The following MGAT5 variants were observed in gnomAD, a reference collection of about 807,000 sequenced individuals.
MGAT5 encodes the protein alpha-1,6-mannosylglycoprotein 6-beta-N-acetylglucosaminyltransferase, also known as alpha-1,6-mannosylglycoprotein 6-beta-N-acetylglucosaminyltransferase A.
MGAT5 carries 30 observed loss-of-function variants against 94.3 expected under a neutral mutation model. The observed-to-expected ratio is 0.32, with a 90% confidence interval of 0.24 to 0.43. The LOEUF (loss-of-function observed/expected upper bound fraction) is 0.43, where lower values mean the gene tolerates loss of function less well. MGAT5 is among the 20% of genes least tolerant of loss of function. The probability of loss-of-function intolerance (pLI) is 1.00; values close to 1 mark genes in which losing one functional copy is unlikely to be tolerated. For missense variants in MGAT5, 691 were observed against 905.5 expected (o/e 0.76, Z 3.04); for synonymous variants, 310 against 322.9 (o/e 0.96, Z 0.43).
intron 1 of MGAT5, among the ~76,000 whole-genome samples, chr2:134,171,095 A>G (rs1688181296): frequency 6.6e-6 from 1 of 152,190 alleles, no homozygotes; most frequent in East Asian, 1.9e-4. Flanking sequence ...TCCTGACCTC[A>G]GGTGATCTGC....
chr2:134,344,869 A>G lies in MGAT5; in HGVS notation c.978-61A>G, dbSNP rs1251865875. On this transcript the variant is annotated intron_variant, in intron 7 of 15. Transcript: ENST00000281923. ...TTTGCCCATTAAAGTTGCCAAGTTT[A>G]TTACCTTTTAAGTAAATGATTTTTC... The G allele has an allele frequency of 2.5e-6, 4 of 1,577,088 alleles. No homozygotes were observed. In the African/African-American group the frequency reaches 4.2e-5, roughly 17 times the overall value.
chr2:134,178,643 C>T (rs1424008602), intron 1 of MGAT5, among the ~76,000 whole-genome samples: 1 of 152,144 alleles, frequency 6.6e-6, no homozygotes, highest in African/African-American at 2.4e-5. Flanking sequence ...AGGCAGATGG[C>T]TGTGGCACAA....
Position 134,349,957 on chromosome 2 carries a change from T to C in MGAT5, c.1246+19T>C. The C allele has an allele frequency of 1.9e-6, 3 of 1,612,498 alleles. No homozygotes were observed. The highest frequency in any genetic ancestry group is 2.5e-6 in the Non-Finnish European group (3 of 1,178,968). Reference sequence around the variant, plus strand: ...ATGTTCCGTGAGTATTCCTGTTTCATGTATGCTTTCCAGAATGCCACCAAA... The same window carrying C: ...ATGTTCCGTGAGTATTCCTGTTTCACGTATGCTTTCCAGAATGCCACCAAA... On this transcript the variant is annotated intron_variant, in intron 9 of 15. Coordinates refer to ENST00000281923, the MANE Select transcript of MGAT5 (RefSeq NM_002410.5).
chr2:134,264,017 G>GTTTTTTTTTTTT (rs763608726), intron 1 of MGAT5, among the ~76,000 whole-genome samples: 4 of 108,936 alleles, frequency 3.7e-5, no homozygotes, highest in African/African-American at 1.2e-4. Context: ...ATGCCATTAG[G>GTTTTTTTTTTTT]TTTTTTTTTT....
chr2:134,363,258 G>A (rs534455002), intron 10 of MGAT5, among the ~76,000 whole-genome samples: 1 of 152,306 alleles, frequency 6.6e-6, no homozygotes, highest in South Asian at 2.1e-4. Flanking sequence ...GCTAGCCAAG[G>A]AAGTTAGGAA....
intron 10 of MGAT5, among the ~76,000 whole-genome samples, chr2:134,374,225 G>A (rs1339672800): frequency 6.6e-6 from 1 of 152,156 alleles, no homozygotes; most frequent in Non-Finnish European, 1.5e-5. Context: ...TCCGGTGGCT[G>A]TTTACACATA....
chr2:134,302,782 CCTT>C (rs1204230825), intron 2 of MGAT5, among the ~76,000 whole-genome samples: 7 of 144,990 alleles, frequency 4.8e-5, no homozygotes, highest in African/African-American at 1.3e-4. Flanking sequence ...TTTCCAGCCT[CCTT>C]CTTCTGACGA....
intron 1 of MGAT5, among the ~76,000 whole-genome samples, chr2:134,236,032 T>G (rs938347085): frequency 1.3e-5 from 2 of 152,282 alleles, no homozygotes; most frequent in East Asian, 1.9e-4. Flanking sequence ...TACAGACCTG[T>G]TTTTCTCAGT....
chr2:134,218,013 A>G (rs1469768362), intron 1 of MGAT5, among the ~76,000 whole-genome samples: 1 of 152,208 alleles, frequency 6.6e-6, no homozygotes, highest in Admixed American at 6.5e-5. Context: ...TGTTACTATT[A>G]CTGGCTGGCA....
chr2:134,416,197 T>A (rs1281889962), intron 12 of MGAT5, among the ~76,000 whole-genome samples: 2 of 152,194 alleles, frequency 1.3e-5, no homozygotes, highest in Non-Finnish European at 2.9e-5. Flanking sequence ...TAAGTATATT[T>A]GCAATATTGT....
chr2:134,291,614 GA>G (rs748010231), intron 2 of MGAT5, among the ~76,000 whole-genome samples: 160 of 152,302 alleles, frequency 1.1e-3, no homozygotes, highest in Non-Finnish European at 1.5e-3. Flanking sequence ...CAGGACTTGA[GA>G]AGTTCCTTAG....
At chr2:134,331,861 A>G (rs1687996308) in intron 4 of MGAT5, among the ~76,000 whole-genome samples, 1 of 152,082 alleles carries the variant, frequency 6.6e-6, no homozygotes, top group Non-Finnish European at 1.5e-5. Flanking sequence ...CTTACAAGGG[A>G]CGTGAAGGAC....
chr2:134,428,525 C>G (rs777831760), intron 14 of MGAT5, 86 bp downstream of exon 14: 9 of 1,187,164 alleles, frequency 7.6e-6, no homozygotes, highest in Non-Finnish European at 9.8e-6. Context: ...TAAGAGCTCA[C>G]TGTGTTTCTG....
chr2:134,437,065 G>A (rs559219844), intron 14 of MGAT5, among the ~76,000 whole-genome samples: 13 of 152,220 alleles, frequency 8.5e-5, no homozygotes, highest in East Asian at 5.8e-4. Flanking sequence ...CTCGGCTCAC[G>A]GCAACCTCTG....
chr2:134,213,974 C>T (rs1680336353), intron 1 of MGAT5, among the ~76,000 whole-genome samples: 1 of 152,138 alleles, frequency 6.6e-6, no homozygotes, highest in African/African-American at 2.4e-5. Context: ...AGGGGTGGGA[C>T]TGAAAGTTCC....
chr2:134,222,855 C>T (rs1680859062), intron 1 of MGAT5, among the ~76,000 whole-genome samples: 1 of 140,510 alleles, frequency 7.1e-6, no homozygotes, highest in South Asian at 2.3e-4. Context: ...GACAATAAAA[C>T]CAAAAGGCAA....
chr2:134,413,030 A>C lies in MGAT5; in HGVS notation c.1677+15A>C, dbSNP rs1201618085. On this transcript the variant is annotated intron_variant, in intron 12 of 15. Coordinates refer to ENST00000281923, the MANE Select transcript of MGAT5 (RefSeq NM_002410.5). ...CTCTGAGAGAGGTAAGCATCTATCAAAATTATTCCATTTTGAATAATATGA... is the reference window on the plus strand; with the variant it reads ...CTCTGAGAGAGGTAAGCATCTATCACAATTATTCCATTTTGAATAATATGA... The C allele has an allele frequency of 1.9e-6, 3 of 1,613,708 alleles. No homozygotes were observed. Among genetic ancestry groups the C allele is most frequent in the African/African-American group, 2.7e-5 (2 of 74,926 alleles).
intron 10 of MGAT5, among the ~76,000 whole-genome samples, chr2:134,378,605 T>G (rs1421181030): frequency 7.1e-6 from 1 of 140,114 alleles, no homozygotes. Flanking sequence ...ACTCACAGGG[T>G]TATCTGGATT....
chr2:134,367,496 TAG>T lies in MGAT5; in HGVS notation c.1380+5091_1380+5092del, dbSNP rs538747751. On this transcript the variant is annotated intron_variant, in intron 10 of 15. Coordinates refer to ENST00000281923, the MANE Select transcript of MGAT5 (RefSeq NM_002410.5). ...CATGGCTGCTTTTGCACTAAAATTATAGAGTTAGATAATTGTGGCAGACTGTG... is the reference window on the plus strand; with the variant it reads ...CATGGCTGCTTTTGCACTAAAATTATAGTTAGATAATTGTGGCAGACTGTG... 2.5e-3 allele frequency among the ~76,000 whole-genome samples: 377 copies of T among 152,362 alleles called. 2 individuals are homozygous for T. Among genetic ancestry groups the T allele is most frequent in the African/African-American group, 8.7e-3 (361 of 41,588 alleles).
Sources: allele counts gnomAD v4.1 joint callset (sites outside exome capture counted in the v4.1 genomes callset), GRCh38; gene constraint gnomAD v4.1.1; transcripts MANE v1.5; gene names NCBI Gene and HGNC (gene_info 2026-07-23, HGNC 2026-07-21).